The following PKHD1L1 variants were observed in gnomAD, a reference collection of about 807,000 sequenced individuals.
The protein encoded by PKHD1L1 is fibrocystin-L.
Under a neutral mutation model 462.9 loss-of-function variants are expected in PKHD1L1, and 434 were observed. That is an observed-to-expected ratio of 0.94 (90% CI 0.87 to 1.02). The LOEUF (loss-of-function observed/expected upper bound fraction) is 1.02, where lower values mean the gene tolerates loss of function less well. Among genes scored for constraint, PKHD1L1 ranks in the 50% least tolerant of loss-of-function variants. The pLI is 0.00. For synonymous variants in PKHD1L1, 1,781 were observed against 1,750.0 expected, an observed-to-expected ratio of 1.02 and a Z score of -0.44; for missense variants, 5,202 against 5,096.1, an observed-to-expected ratio of 1.02 and a Z score of -0.63.
intron 21 of PKHD1L1, among the ~76,000 whole-genome samples, chr8:109,417,334 T>C (rs1814230616): frequency 6.6e-6 from 1 of 152,076 alleles, no homozygotes; most frequent in South Asian, 2.1e-4. Flanking sequence ...ACCTAATATG[T>C]ATCCACAAAA....
At chr8:109,376,603 C>A (rs1390139107) in intron 2 of PKHD1L1, among the ~76,000 whole-genome samples, 1 of 152,182 alleles carries the variant, frequency 6.6e-6, no homozygotes, top group African/African-American at 2.4e-5. Flanking sequence ...ATGCTGGGAG[C>A]TGTAGACTGG....
rs1176129199 is a variant in PKHD1L1, at chr8:109,452,289, G to C, written c.6507+9G>C. ...TCGGCATGGCCAAACTGGTAATAGT[G>C]CTGTTGGGTATAGTAATCACAGCAA... On this transcript the variant is annotated intron_variant, in intron 42 of 77. Transcript: ENST00000378402. 6.3e-7 allele frequency: 1 copy of C among 1,586,888 alleles called. No homozygotes were observed. Among genetic ancestry groups the C allele is most frequent in the Admixed American group, 1.7e-5 (1 of 57,382 alleles).
chr8:109,449,055 C>T (rs1277208460), intron 39 of PKHD1L1, among the ~76,000 whole-genome samples: 1 of 152,070 alleles, frequency 6.6e-6, no homozygotes, highest in African/African-American at 2.4e-5. Flanking sequence ...GTTTTGCCTA[C>T]TCTGAAATCC....
chr8:109,462,785 A>C (rs1673403), intron 48 of PKHD1L1, among the ~76,000 whole-genome samples: 76,281 of 151,784 alleles, frequency 0.5, 19,439 homozygotes, highest in South Asian at 0.68. Context: ...TGTGATCCAC[A>C]TGCCTCGGTC....
At chr8:109,374,046 C>T (rs1355932176) in intron 2 of PKHD1L1, among the ~76,000 whole-genome samples, 2 of 152,060 alleles carry the variant, frequency 1.3e-5, no homozygotes, top group Non-Finnish European at 2.9e-5. Context: ...GAGTTCAATT[C>T]CTGGATATCC....
intron 62 of PKHD1L1, among the ~76,000 whole-genome samples, chr8:109,492,889 T>C (rs2130925387): frequency 6.6e-6 from 1 of 151,978 alleles, no homozygotes; most frequent in Non-Finnish European, 1.5e-5. Context: ...ACTTGGGTTA[T>C]AAAATAAAAT....
chr8:109,492,255 C>T (rs1371361547), intron 62 of PKHD1L1, among the ~76,000 whole-genome samples: 1 of 151,402 alleles, frequency 6.6e-6, no homozygotes, highest in South Asian at 2.1e-4. Context: ...AGGTGTATTG[C>T]TACTTAATTC....
chr8:109,476,471 T>A, intron 51 of PKHD1L1, 37 bp from the exon 52 acceptor site: 1 of 1,295,076 alleles, frequency 7.7e-7, no homozygotes, highest in Middle Eastern at 2.4e-4. Flanking sequence ...CGAAGAATAT[T>A]AACATACAAG....
At chr8:109,525,778 T>G (rs1035241250) in intron 76 of PKHD1L1, among the ~76,000 whole-genome samples, 2 of 152,186 alleles carry the variant, frequency 1.3e-5, no homozygotes, top group Admixed American at 6.5e-5. Flanking sequence ...AGAAAAAAAT[T>G]TTAATACACC....
At position 109,448,302 on chromosome 8, in the gene PKHD1L1, T is replaced by C; in HGVS notation, c.5936T>C (p.Val1979Ala). The change falls in exon 39 of 78, where the codon GTT (valine) becomes GCT (alanine). Residue 1979 changes from valine (V) to alanine (A), a missense_variant. Around this residue, in one of 3 missense-constraint regions of PKHD1L1, gnomAD observed 4,497 missense variants for 4,336.8 expected, o/e 1.04. Transcript: ENST00000378402. ...GATCATGCTGGGGGCACATTTCCTG[T>C]TATGATGCATCATAAGACAAAAGGC... ...VGDHAGGTFP[V>A]MMHHKTKGSA... The C allele has an allele frequency of 6.2e-7, 1 of 1,613,748 alleles. No individual in the cohort carries two copies. The highest frequency in any genetic ancestry group is 8.5e-7 in the Non-Finnish European group (1 of 1,179,820).
chr8:109,443,125 G>A lies in PKHD1L1; in HGVS notation c.4564+9G>A. 6.2e-7 allele frequency: 1 copy of A among 1,611,832 alleles called. No individual in the cohort carries two copies. The highest frequency in any genetic ancestry group is 1.7e-5 in the Admixed American group (1 of 59,988). On this transcript the variant is annotated intron_variant, in intron 36 of 77. Transcript: ENST00000378402. ...AGCCACATATGCTTATGGTAAGATG[G>A]TTAAAGATGGAAACTCTGTTACACA...
At position 109,518,534 on chromosome 8, in the gene PKHD1L1, G is replaced by C. The variant is rs554447196; in HGVS notation, c.12031+26G>C. 258 of 1,543,396 alleles carry C rather than the reference G, an allele frequency of 1.7e-4. 4 individuals are homozygous for C. In the South Asian group the frequency reaches 2.8e-3, roughly 17 times the overall value. On this transcript the variant is annotated intron_variant, in intron 73 of 77. Transcript: ENST00000378402. The stretch of plus-strand genomic sequence containing the variant: ...GTATGAATAACAGGTGTTTGAGATG[G>C]AGGAATGCAATTACCAAATCCATAT...
chr8:109,448,125 G>C lies in PKHD1L1; in HGVS notation c.5777-18G>C, dbSNP rs748460630. On this transcript the variant is annotated intron_variant, in intron 38 of 77. Transcript: ENST00000378402. ...ATAGTTAGATATATTTATATTGTGT[G>C]CTTTTTTTTTTTTTAAGGTCCACCA... 1.4e-5 allele frequency: 21 copies of C among 1,489,746 alleles called. No individual in the cohort carries two copies. The South Asian group carries it at 2.2e-4, about 15-fold the overall frequency. The allele number at this position is 1,489,746 out of a possible 1,614,324, so 92.3% of individuals were successfully genotyped here. A position where few individuals can be genotyped will look rare whatever the true frequency, so the allele number is the denominator to read the frequency against.
At chr8:109,364,505 A>G (rs901337871) in intron 1 of PKHD1L1, 42 bp from the exon 2 acceptor site, 4 of 1,333,678 alleles carry the variant, frequency 3.0e-6, no homozygotes, top group Non-Finnish European at 4.2e-6. Context: ...GAAATGAAGA[A>G]CTTGGTGATT....
chr8:109,510,560 T>C (rs185304693), intron 70 of PKHD1L1, among the ~76,000 whole-genome samples: 1 of 152,210 alleles, frequency 6.6e-6, no homozygotes, highest in Admixed American at 6.5e-5. Context: ...AAAAGTAGGG[T>C]GATAGGAAGA....
intron 29 of PKHD1L1, 117 bp from the exon 30 acceptor site, chr8:109,436,221 C>T (rs1355175233): frequency 9.5e-7 from 1 of 1,049,122 alleles, no homozygotes; most frequent in Non-Finnish European, 1.4e-6. Context: ...TTGGCCAGTA[C>T]ATCTCTTGGA....
At chr8:109,505,735 C>T (rs544043577) in intron 68 of PKHD1L1, among the ~76,000 whole-genome samples, 1 of 151,254 alleles carries the variant, frequency 6.6e-6, no homozygotes, top group South Asian at 2.1e-4. Flanking sequence ...ACCATCTCTA[C>T]AAAAAATTAA....
chr8:109,509,172 C>T (rs73700612), intron 70 of PKHD1L1, among the ~76,000 whole-genome samples: 2,205 of 152,116 alleles, frequency 0.014, 28 homozygotes, highest in Middle Eastern at 0.051. Context: ...GGACTCTCCT[C>T]ACTTCTCCCA....
Position 109,401,534 on chromosome 8 carries a change from A to T in PKHD1L1, c.1319A>T (p.Tyr440Phe), listed in dbSNP as rs776041667. Residue 440 changes from tyrosine (Y) to phenylalanine (F), a missense_variant, in exon 14 of 78, where the codon TAT becomes TTT. Physicochemically the swap from Tyr to Phe is conservative, Grantham distance 22. Around this residue, in one of 3 missense-constraint regions of PKHD1L1, gnomAD observed 4,497 missense variants for 4,336.8 expected, o/e 1.04. Coordinates refer to ENST00000378402, the MANE Select transcript of PKHD1L1 (RefSeq NM_177531.6). ...TATCATTCTGCTAATGCCAACAGTT[A>T]TTTTTCCAGTCCAACACAAAGATCA... ...IAYHSANANS[Y>F]FSSPTQRSDD... 41 of 1,594,530 alleles carry T rather than the reference A, an allele frequency of 2.6e-5. No homozygotes were observed. The highest frequency in any genetic ancestry group is 3.4e-5 in the Non-Finnish European group (40 of 1,164,046).
Sources: allele counts gnomAD v4.1 joint callset (sites outside exome capture counted in the v4.1 genomes callset), GRCh38; gene constraint gnomAD v4.1.1; regional missense constraint gnomAD v4.1.1; transcripts MANE v1.5; gene names NCBI Gene and HGNC (gene_info 2026-07-23, HGNC 2026-07-21).